SUMF1: variants seen among roughly 807,000 people sequenced by gnomAD.
The protein encoded by SUMF1 is sulfatase modifying factor 1, also known as formylglycine-generating enzyme.
A neutral mutation model predicts 47.6 loss-of-function variants in SUMF1; 48 were observed. That is an observed-to-expected ratio of 1.01 (90% CI 0.80 to 1.28). The LOEUF (loss-of-function observed/expected upper bound fraction) is 1.28, where lower values mean the gene tolerates loss of function less well. Among genes scored for constraint, SUMF1 ranks in the 50% most tolerant of loss-of-function variants. SUMF1 has a pLI of 0.00. For missense variants in SUMF1, 571 were observed against 485.4 expected (o/e 1.18, Z -1.66); for synonymous variants, 230 against 192.1 (o/e 1.20, Z -1.63).
chr3:4,117,877 C>T (rs568965147), intron 8 of SUMF1, among the ~76,000 whole-genome samples: 11 of 152,008 alleles, frequency 7.2e-5, no homozygotes, highest in South Asian at 6.3e-4. Flanking sequence ...CAAGTTGAGA[C>T]GGCATGACAG....
At chr3:4,044,635 G>C (rs149823850) in intron 9 of SUMF1, among the ~76,000 whole-genome samples, 71 of 152,270 alleles carry the variant, frequency 4.7e-4, no homozygotes, top group African/African-American at 1.4e-3. Context: ...TAAATGTTAA[G>C]GATTCGTGTC....
At chr3:4,087,337 A>C (rs1480849049) in intron 8 of SUMF1, among the ~76,000 whole-genome samples, 2 of 152,102 alleles carry the variant, frequency 1.3e-5, no homozygotes, top group African/African-American at 4.8e-5. Flanking sequence ...GCCTTCTTTC[A>C]ATTACACCTC....
rs368118956 is a variant in SUMF1 at position 4,463,018 on chromosome 3, G to A, written c.270+3958C>T. On this transcript the variant is annotated intron_variant, in intron 1 of 8. Coordinates refer to ENST00000272902, the MANE Select transcript of SUMF1 (RefSeq NM_182760.4). ...TACTTTACAAATGTTTCTTGAAAAAGTATGTGACCTTCTCTATTCCCAAGG... is the reference window on the plus strand; with the variant it reads ...TACTTTACAAATGTTTCTTGAAAAAATATGTGACCTTCTCTATTCCCAAGG... Among the ~76,000 whole-genome samples, 25 of 152,338 alleles carry A rather than the reference G, an allele frequency of 1.6e-4. No individual in the cohort carries two copies. The East Asian group carries it at 1.7e-3, about 11-fold the overall frequency.
chr3:4,155,368 T>G (rs1391718312), intron 8 of SUMF1, among the ~76,000 whole-genome samples: 2 of 151,548 alleles, frequency 1.3e-5, no homozygotes, highest in African/African-American at 4.9e-5. Flanking sequence ...GGAGCAAAAA[T>G]TCCTTCTTCA....
intron 8 of SUMF1, among the ~76,000 whole-genome samples, chr3:4,298,363 C>G (rs973488540): frequency 6.6e-6 from 1 of 152,206 alleles, no homozygotes; most frequent in Non-Finnish European, 1.5e-5. Context: ...AACATCCTCT[C>G]ATTATTTTAA....
intron 8 of SUMF1, among the ~76,000 whole-genome samples, chr3:4,191,749 A>C (rs927295720): frequency 6.6e-6 from 1 of 152,140 alleles, no homozygotes; most frequent in Non-Finnish European, 1.5e-5. Context: ...ATAATGCTAC[A>C]TCAGGATAGG....
chr3:4,286,006 C>T (rs1346036836), intron 8 of SUMF1, among the ~76,000 whole-genome samples: 1 of 152,114 alleles, frequency 6.6e-6, no homozygotes, highest in Non-Finnish European at 1.5e-5. Context: ...GAAATATCCA[C>T]CTGTTTGGCC....
At chr3:4,430,827 A>G (rs1331458211) in intron 3 of SUMF1, among the ~76,000 whole-genome samples, 6 of 152,100 alleles carry the variant, frequency 3.9e-5, no homozygotes, top group Non-Finnish European at 8.8e-5. Flanking sequence ...TGCGGGAGGT[A>G]AGAAGGAGGA....
chr3:4,140,154 T>C (rs751197501), intron 8 of SUMF1, among the ~76,000 whole-genome samples: 29 of 152,082 alleles, frequency 1.9e-4, no homozygotes, highest in Non-Finnish European at 3.1e-4. Context: ...TCATGGCATT[T>C]GACTTAATTC....
chr3:4,374,253 G>A (rs1164417073), intron 8 of SUMF1, among the ~76,000 whole-genome samples: 1 of 152,136 alleles, frequency 6.6e-6, no homozygotes, highest in Non-Finnish European at 1.5e-5. Context: ...GATATTCACA[G>A]ATCATATGAT....
In SUMF1 at chr3:4,161,599, G is replaced by C. The variant is rs369056455; in HGVS notation, c.1015-92854C>G. Among the ~76,000 whole-genome samples, 8 of 152,092 alleles carry C rather than the reference G, an allele frequency of 5.3e-5. No individual in the cohort carries two copies. In the East Asian group the frequency reaches 1.6e-3, roughly 30 times the overall value. ...TGTCACCATTATAGGCCCACAGAGA[G>C]TACTGCCAGACTACCACCAATGTTC... On this transcript the variant is annotated intron_variant and NMD_transcript_variant, in intron 8 of 12. Transcript: ENST00000448413.
intron 8 of SUMF1, among the ~76,000 whole-genome samples, chr3:4,242,337 C>A (rs1165122843): frequency 1.3e-5 from 2 of 152,282 alleles, no homozygotes; most frequent in Admixed American, 1.3e-4. Flanking sequence ...TGAGAGAGGG[C>A]AACCCTCTCG....
At position 4,420,117 on chromosome 3, in the gene SUMF1, C is replaced by T. The variant is rs777710593; in HGVS notation, c.549G>A (p.Val183=). Residue 183 remains valine (V), a synonymous_variant, in exon 4 of 9, where the codon GTG becomes GTA. Coordinates refer to ENST00000272902, the MANE Select transcript of SUMF1 (RefSeq NM_182760.4). Reference sequence around the variant, plus strand: ...CTGGGTGTCTCCAGTTAGCGCCTTTCACAGGTAACCACCAGGGAGCAGCTG... The same window carrying T: ...CTGGGTGTCTCCAGTTAGCGCCTTTTACAGGTAACCACCAGGGAGCAGCTG... ...AVAAAPWWLP[V]KGANWRHPEG... 6 of 1,614,100 alleles carry T rather than the reference C, an allele frequency of 3.7e-6. No individual in the cohort carries two copies. Among genetic ancestry groups the T allele is most frequent in the Non-Finnish European group, 3.4e-6 (4 of 1,180,006 alleles).
chr3:4,417,568 A>C (rs548664712), intron 5 of SUMF1, among the ~76,000 whole-genome samples: 1 of 152,334 alleles, frequency 6.6e-6, no homozygotes, highest in South Asian at 2.1e-4. Context: ...AGGCACCACC[A>C]CACCACACTT....
At chr3:4,222,990 T>A (rs545276698) in intron 8 of SUMF1, among the ~76,000 whole-genome samples, 4 of 152,106 alleles carry the variant, frequency 2.6e-5, no homozygotes, top group African/African-American at 9.7e-5. Flanking sequence ...CTGCATAGGA[T>A]GAGGGTGTGA....
chr3:4,088,567 T>C (rs983781589), intron 8 of SUMF1, among the ~76,000 whole-genome samples: 4 of 152,170 alleles, frequency 2.6e-5, no homozygotes, highest in African/African-American at 9.7e-5. Flanking sequence ...TATTTATCAC[T>C]AGCACATTTT....
chr3:4,244,950 C>G (rs1480257303), intron 8 of SUMF1, among the ~76,000 whole-genome samples: 1 of 151,956 alleles, frequency 6.6e-6, no homozygotes, highest in Non-Finnish European at 1.5e-5. Flanking sequence ...TTTTTTCACT[C>G]TTTTTTCTCT....
chr3:4,323,581 GA>G (rs1184357422), intron 8 of SUMF1, among the ~76,000 whole-genome samples: 1 of 152,130 alleles, frequency 6.6e-6, no homozygotes, highest in East Asian at 1.9e-4. Flanking sequence ...AAGGAAGGAA[GA>G]GGAGAAAGAG....
At chr3:4,230,100 G>A (rs1286091203) in intron 8 of SUMF1, among the ~76,000 whole-genome samples, 1 of 151,880 alleles carries the variant, frequency 6.6e-6, no homozygotes, top group Non-Finnish European at 1.5e-5. Flanking sequence ...TTTCCCTAGA[G>A]CATTACAAAT....
Sources: allele counts gnomAD v4.1 joint callset (sites outside exome capture counted in the v4.1 genomes callset), GRCh38; gene constraint gnomAD v4.1.1; transcripts MANE v1.5; gene names NCBI Gene and HGNC (gene_info 2026-07-23, HGNC 2026-07-21).